Variants in TOMM20 observed in about 807,000 individuals in gnomAD.
The protein encoded by TOMM20 is mitochondrial import receptor subunit TOM20 homolog.
Under a neutral mutation model 22.1 loss-of-function variants are expected in TOMM20, and 10 were observed. That is an observed-to-expected ratio of 0.45 (90% confidence interval 0.28 to 0.77). The LOEUF is 0.77. Ranked by LOEUF, TOMM20 falls within the 30% of genes least tolerant of loss-of-function variation. The pLI is 0.13. For synonymous variants in TOMM20, 55 were observed against 61.4 expected, an observed-to-expected ratio of 0.90 and a Z score of 0.49; for missense variants, 121 against 172.2, an observed-to-expected ratio of 0.70 and a Z score of 1.66.
At chr1:235,125,283 C>T (rs1438199668) in intron 1 of TOMM20, among the ~76,000 whole-genome samples, 4 of 152,186 alleles carry the variant, frequency 2.6e-5, no homozygotes, top group East Asian at 1.9e-4. Context: ...AGCGTCATCT[C>T]GGCTCACTGT....
chr1:235,116,897 A>G (rs1411379503), intron 3 of TOMM20, among the ~76,000 whole-genome samples: 3 of 152,094 alleles, frequency 2.0e-5, no homozygotes, highest in Non-Finnish European at 4.4e-5. Context: ...GCACTTTGGG[A>G]GGCCAAGGCG....
At chr1:235,127,922 G>A (rs575810041) in intron 1 of TOMM20, 2 of 518,998 alleles carry the variant, frequency 3.9e-6, no homozygotes. Context: ...GCTACCAAGA[G>A]GGTTTAAGAA....
Position 235,128,806 on chromosome 1 carries a change from A to C in TOMM20, c.-91T>G, listed in dbSNP as rs1461132155. ...CCTCAGAGCGGTCGGCGCAGCTCAC[A>C]CCCGACGGCCGCGGGCCAGGAACAC... On this transcript the variant is annotated 5_prime_UTR_variant, in exon 1 of 5. Coordinates refer to ENST00000366607, the MANE Select transcript of TOMM20 (RefSeq NM_014765.3). 1.9e-6 allele frequency: 3 copies of C among 1,567,420 alleles called. No homozygotes were observed. The African/African-American group carries it at 4.1e-5, about 21-fold the overall frequency.
At chr1:235,122,163 C>T (rs1660941076) in intron 2 of TOMM20, among the ~76,000 whole-genome samples, 163 bp downstream of exon 2, 1 of 152,138 alleles carries the variant, frequency 6.6e-6, no homozygotes, top group African/African-American at 2.4e-5. Context: ...ATTGGAACTA[C>T]ATTATTCACC....
intron 3 of TOMM20, among the ~76,000 whole-genome samples, chr1:235,114,778 GA>G (rs1164939850): frequency 6.6e-6 from 1 of 151,764 alleles, no homozygotes; most frequent in Admixed American, 6.6e-5. Flanking sequence ...TATTATGTTT[GA>G]AAAAAATACT....
chr1:235,117,739 C>T (rs1660859100), intron 3 of TOMM20, among the ~76,000 whole-genome samples: 1 of 152,234 alleles, frequency 6.6e-6, no homozygotes, highest in Non-Finnish European at 1.5e-5. Flanking sequence ...TTGACTACTG[C>T]GGGGTATCTG....
chr1:235,126,878 C>G (rs896452313), intron 1 of TOMM20, among the ~76,000 whole-genome samples: 3 of 152,178 alleles, frequency 2.0e-5, no homozygotes, highest in African/African-American at 7.2e-5. Flanking sequence ...CTACACTATA[C>G]CATTTTACAA....
intron 3 of TOMM20, among the ~76,000 whole-genome samples, chr1:235,118,533 T>C (rs1660873996): frequency 1.3e-5 from 2 of 152,184 alleles, no homozygotes. Flanking sequence ...ATTTTATGTA[T>C]ATAGTTTTTA....
intron 1 of TOMM20, among the ~76,000 whole-genome samples, chr1:235,123,989 T>C (rs1052264622): frequency 1.3e-5 from 2 of 152,276 alleles, no homozygotes; most frequent in Admixed American, 6.5e-5. Flanking sequence ...CACTAAGTTT[T>C]AGATGCTACA....
chr1:235,115,488 G>T (rs1660813747), intron 3 of TOMM20, among the ~76,000 whole-genome samples: 1 of 152,030 alleles, frequency 6.6e-6, no homozygotes, highest in Admixed American at 6.5e-5. Context: ...TTAGCAGGGT[G>T]TGGTGGTGCA....
chr1:235,117,943 G>A (rs1660862183), intron 3 of TOMM20, among the ~76,000 whole-genome samples: 1 of 152,144 alleles, frequency 6.6e-6, no homozygotes, highest in Non-Finnish European at 1.5e-5. Context: ...CCTTTCCCAG[G>A]TATTGAAATG....
chr1:235,127,001 AATG>A (rs1337920415), intron 1 of TOMM20, among the ~76,000 whole-genome samples: 11 of 152,226 alleles, frequency 7.2e-5, no homozygotes, highest in African/African-American at 2.7e-4. Flanking sequence ...TTAGATTGAA[AATG>A]ATGGAGAAGT....
intron 3 of TOMM20, among the ~76,000 whole-genome samples, chr1:235,117,285 C>A (rs1018745337): frequency 6.6e-6 from 1 of 150,994 alleles, no homozygotes; most frequent in Non-Finnish European, 1.5e-5. Context: ...GTGAAACCCA[C>A]CCCCTACCAA....
chr1:235,124,225 T>C (rs577963981), intron 1 of TOMM20, among the ~76,000 whole-genome samples: 1 of 152,338 alleles, frequency 6.6e-6, no homozygotes, highest in South Asian at 2.1e-4. Flanking sequence ...CAGGCGCCTG[T>C]AGTCCTAGCT....
intron 1 of TOMM20, among the ~76,000 whole-genome samples, chr1:235,128,223 TCA>T (rs1368195902): frequency 2.0e-5 from 3 of 152,252 alleles, no homozygotes; most frequent in African/African-American, 7.2e-5. Flanking sequence ...GGATTTAGCC[TCA>T]GACTAAAATT....
At chr1:235,116,968 T>C (rs541294956) in intron 3 of TOMM20, among the ~76,000 whole-genome samples, 6 of 148,956 alleles carry the variant, frequency 4.0e-5, no homozygotes, top group East Asian at 4.0e-4. Context: ...ACCCCGTCTC[T>C]ACTAAAAATA....
intron 1 of TOMM20, 47 bp downstream of exon 1, chr1:235,128,548 G>A (rs1157487449): frequency 6.2e-7 from 1 of 1,610,792 alleles, no homozygotes; most frequent in African/African-American, 1.3e-5. Context: ...GTGAAGGGCG[G>A]CGGCCGAAGG....
At position 235,109,879 on chromosome 1, in the gene TOMM20, T is replaced by TC. The variant is rs1558126833; in HGVS notation, c.*2184_*2185insG. ...AGTTCACTGAGATCTGGGGTTTTTT[T>TC]GTTCTCACCTGCTGAGCACCATTTG... On this transcript the variant is annotated 3_prime_UTR_variant, in exon 5 of 5. Transcript: ENST00000366607. 1.3e-5 allele frequency: 2 copies of TC among 152,122 alleles called. No homozygotes were observed. Among genetic ancestry groups the TC allele is most frequent in the African/African-American group, 4.8e-5 (2 of 41,400 alleles). The allele number at this position is 152,122 out of a possible 1,614,324, so 9.4% of individuals were successfully genotyped here.
At chr1:235,121,043 A>G (rs1660924174) in intron 2 of TOMM20, among the ~76,000 whole-genome samples, 1 of 152,020 alleles carries the variant, frequency 6.6e-6, no homozygotes, top group Non-Finnish European at 1.5e-5. Context: ...CTACTAAAAT[A>G]CAAAAATTAG....
Sources: gnomAD v4.1 joint callset for allele counts (sites outside exome capture counted in the v4.1 genomes callset) on GRCh38, gnomAD v4.1.1 for gene constraint, MANE v1.5 for transcripts, NCBI Gene and HGNC (gene_info 2026-07-23, HGNC 2026-07-21) for gene names.